The following NOCT variants were observed in gnomAD, a reference collection of about 807,000 sequenced individuals.
NOCT encodes CCR4 carbon catabolite repression 4-like.
Under a neutral mutation model 35.0 loss-of-function variants are expected in NOCT, and 18 were observed. The observed-to-expected ratio is 0.51, with a 90% confidence interval of 0.36 to 0.76. The LOEUF (loss-of-function observed/expected upper bound fraction) is 0.76. Among genes scored for constraint, NOCT ranks in the 30% least tolerant of loss-of-function variants. NOCT has a pLI of 0.01. For missense variants in NOCT, 479 were observed against 541.0 expected (o/e 0.89, Z 1.14); for synonymous variants, 235 against 226.3 (o/e 1.04, Z -0.34).
At chr4:139,020,031 A>G (rs1726380247) in intron 1 of NOCT, among the ~76,000 whole-genome samples, 1 of 152,246 alleles carries the variant, frequency 6.6e-6, no homozygotes, top group South Asian at 2.1e-4. Flanking sequence ...GAGAGAGAAG[A>G]AACGGGAAAG....
chr4:139,028,993 C>G (rs1301607062), intron 1 of NOCT, among the ~76,000 whole-genome samples: 1 of 152,076 alleles, frequency 6.6e-6, no homozygotes, highest in Non-Finnish European at 1.5e-5. Flanking sequence ...CACCCACCAC[C>G]ACATCCAGCT....
intron 1 of NOCT, among the ~76,000 whole-genome samples, chr4:139,034,872 A>G (rs1169863586): frequency 1.3e-5 from 2 of 151,616 alleles, no homozygotes; most frequent in Admixed American, 6.6e-5. Context: ...ATGTTCTCCT[A>G]CTTCTCTGGC....
intron 2 of NOCT, chr4:139,043,975 A>AATATATATATAT: frequency 1.0e-5 from 1 of 98,006 alleles, no homozygotes; most frequent in African/African-American, 3.7e-5. Context: ...GTCTCAAAAA[A>AATATATATATAT]ATATGTATAT....
At chr4:139,032,892 C>T (rs1239203311) in intron 1 of NOCT, among the ~76,000 whole-genome samples, 3 of 152,008 alleles carry the variant, frequency 2.0e-5, no homozygotes, top group African/African-American at 7.3e-5. Context: ...GATTGATACT[C>T]GAAAATTAAA....
rs546346607 is a variant in NOCT at position 139,045,509 on chromosome 4, ATTTTTTTTTTTTTT to A, written c.*47_*60del. Reference sequence around the variant, plus strand: ...TTTGTCTTTTTAATCACAGGAGTCTATTTTTTTTTTTTTTTTTTTTTTTTTGAGACAGAGTCTCG... The same window carrying A: ...TTTGTCTTTTTAATCACAGGAGTCTATTTTTTTTTTTGAGACAGAGTCTCG... On this transcript the variant is annotated 3_prime_UTR_variant, in exon 3 of 3. Transcript: ENST00000280614. The A allele has an allele frequency of 5.3e-6, 2 of 377,160 alleles. No individual in the cohort carries two copies. Among genetic ancestry groups the A allele is most frequent in the Admixed American group, 6.9e-5 (1 of 14,512 alleles). The allele number at this position is 377,160 out of a possible 1,614,324, so 23.4% of individuals were successfully genotyped here.
chr4:139,028,673 A>G (rs893163598), intron 1 of NOCT, among the ~76,000 whole-genome samples: 7 of 152,354 alleles, frequency 4.6e-5, no homozygotes, highest in African/African-American at 1.7e-4. Flanking sequence ...GACGAGCAGC[A>G]GTCCAAGGTG....
In NOCT at chr4:139,045,088, C is replaced by A; in HGVS notation, c.910C>A (p.Leu304Ile). 2 of 1,614,186 alleles carry A rather than the reference C, an allele frequency of 1.2e-6. No homozygotes were observed. The highest frequency in any genetic ancestry group is 2.2e-5 in the East Asian group (1 of 44,892). Reference protein sequence around the residue: ...ERFRSAQGCDLLQNLQNITQG... With the variant: ...ERFRSAQGCDILQNLQNITQG... ...GTTTCGATCAGCTCAAGGCTGTGAC[C>A]TCCTTCAGAACCTGCAAAACATCAC... The change falls in exon 3 of 3, where the codon CTC (leucine) becomes ATC (isoleucine). Residue 304 changes from leucine to isoleucine, a missense_variant. Transcript: ENST00000280614.
chr4:139,043,552 C>A (rs1176464369), intron 2 of NOCT: 10 of 541,278 alleles, frequency 1.8e-5, no homozygotes, highest in Admixed American at 3.2e-5. Flanking sequence ...AAAAAAGACA[C>A]TTTAATTGTT....
chr4:139,027,309 G>A (rs1463815141), intron 1 of NOCT, among the ~76,000 whole-genome samples: 1 of 151,890 alleles, frequency 6.6e-6, no homozygotes, highest in Non-Finnish European at 1.5e-5. Flanking sequence ...CAAGTAGCTG[G>A]GACCACAGGT....
intron 1 of NOCT, among the ~76,000 whole-genome samples, chr4:139,029,544 G>A (rs1258244159): frequency 2.0e-5 from 3 of 152,140 alleles, no homozygotes; most frequent in Non-Finnish European, 4.4e-5. Flanking sequence ...GAGACTGGTC[G>A]GTCACTAACT....
chr4:139,044,432 T>C (rs1726896116), intron 2 of NOCT, among the ~76,000 whole-genome samples: 1 of 152,182 alleles, frequency 6.6e-6, no homozygotes, highest in Admixed American at 6.5e-5. Context: ...ATGAAATCAT[T>C]TCGAAACAAA....
chr4:139,039,595 A>T (rs549545859), intron 1 of NOCT, among the ~76,000 whole-genome samples: 165 of 150,536 alleles, frequency 1.1e-3, no homozygotes, highest in African/African-American at 2.9e-3. Flanking sequence ...ATTTTTTTTT[A>T]AAAAAAGCAA....
chr4:139,019,630 C>T (rs901525697), intron 1 of NOCT, among the ~76,000 whole-genome samples: 1 of 152,174 alleles, frequency 6.6e-6, no homozygotes, highest in East Asian at 1.9e-4. Flanking sequence ...TCCTGCATAA[C>T]TTATGCCCCT....
intron 1 of NOCT, among the ~76,000 whole-genome samples, chr4:139,039,292 A>T (rs1726793148): frequency 6.6e-6 from 1 of 151,698 alleles, no homozygotes; most frequent in Non-Finnish European, 1.5e-5. Context: ...TCCTTGGCTT[A>T]CACTTTATGT....
chr4:139,024,793 A>T (rs1002944080), intron 1 of NOCT, among the ~76,000 whole-genome samples: 2 of 152,134 alleles, frequency 1.3e-5, no homozygotes, highest in African/African-American at 2.4e-5. Context: ...TAGTAGAGAC[A>T]GGTTTTCCCC....
At chr4:139,033,411 C>T (rs1182151768) in intron 1 of NOCT, among the ~76,000 whole-genome samples, 1 of 151,630 alleles carries the variant, frequency 6.6e-6, no homozygotes, top group Non-Finnish European at 1.5e-5. Context: ...TGGCTAATGC[C>T]TGTAATCCCA....
At chr4:139,034,142 T>C (rs1005942071) in intron 1 of NOCT, among the ~76,000 whole-genome samples, 1 of 152,130 alleles carries the variant, frequency 6.6e-6, no homozygotes, top group African/African-American at 2.4e-5. Flanking sequence ...TGTCATGCCA[T>C]GGCCAAAGAT....
chr4:139,025,420 A>G (rs1308162492), intron 1 of NOCT, among the ~76,000 whole-genome samples: 3 of 152,090 alleles, frequency 2.0e-5, no homozygotes, highest in Admixed American at 2.0e-4. Flanking sequence ...TGTTAATTCA[A>G]ACTTGTTTCT....
chr4:139,040,443 A>G, intron 1 of NOCT, among the ~76,000 whole-genome samples: 1 of 152,042 alleles, frequency 6.6e-6, no homozygotes, highest in Non-Finnish European at 1.5e-5. Context: ...ATATTGTTCT[A>G]TTCTTTATTC....
Sources: gnomAD v4.1 joint callset for allele counts (sites outside exome capture counted in the v4.1 genomes callset) on GRCh38, gnomAD v4.1.1 for gene constraint, MANE v1.5 for transcripts, NCBI Gene and HGNC (gene_info 2026-07-23, HGNC 2026-07-21) for gene names.